Variants in ARHGDIB observed in about 807,000 individuals in gnomAD.
The protein encoded by ARHGDIB is rho GDP-dissociation inhibitor 2.
In ARHGDIB, 20 loss-of-function variants were observed where a neutral mutation model predicts 22.6. That is an observed-to-expected ratio of 0.88 (90% confidence interval 0.62 to 1.28). ARHGDIB has a LOEUF of 1.28. ARHGDIB is among the 50% of genes most tolerant of loss of function. The pLI is 0.00. For missense variants in ARHGDIB, 254 were observed against 245.4 expected, an observed-to-expected ratio of 1.04 and a Z score of -0.23; for synonymous variants, 114 against 96.1, an observed-to-expected ratio of 1.19 and a Z score of -1.09.
chr12:14,949,722 T>G, intron 3 of ARHGDIB, 80 bp downstream of exon 3: 2 of 1,290,396 alleles, frequency 1.5e-6, no homozygotes, highest in Non-Finnish European at 2.3e-6. Flanking sequence ...AGTTTTCTTC[T>G]GTTGGAACAG....
Position 14,944,821 on chromosome 12 carries a change from A to G in ARHGDIB, c.361T>C (p.Ser121Pro), listed in dbSNP as rs1165756944. 1 of 1,613,688 alleles carries G rather than the reference A, an allele frequency of 6.2e-7. No homozygotes were observed. Among genetic ancestry groups the G allele is most frequent in the East Asian group, 2.2e-5 (1 of 44,868 alleles). ...IHFKVNRDIV[S>P]GLKYVQHTYR... ...GTGTGCTGAACGTATTTCAGGCCTG[A>G]CACAATATCCCTGTTCACCTGCAGG... Residue 121 changes from serine (S) to proline (P), a missense_variant, in exon 5 of 6, where the codon TCA (serine) becomes CCA (proline). Transcript: ENST00000228945.
At chr12:14,949,105 T>TC (rs1555103353) in intron 3 of ARHGDIB, among the ~76,000 whole-genome samples, 2 of 152,114 alleles carry the variant, frequency 1.3e-5, no homozygotes, top group Non-Finnish European at 2.9e-5. Context: ...TATTTTTTTT[T>TC]TCCACTAAAA....
chr12:14,955,985 T>C (rs1387479351), intron 1 of ARHGDIB, among the ~76,000 whole-genome samples: 2 of 152,234 alleles, frequency 1.3e-5, no homozygotes, highest in East Asian at 3.8e-4. Flanking sequence ...GTTGGCATCA[T>C]CATTCTCTTT....
Position 14,947,859 on chromosome 12 carries a change from G to C in ARHGDIB, c.342+14C>G. On this transcript the variant is annotated intron_variant, in intron 4 of 5. Coordinates refer to ENST00000228945, the MANE Select transcript of ARHGDIB (RefSeq NM_001175.7). ...ATTTAAACTTTACAAAAACACACAA[G>C]GCAGGATACTTACTTTGAAGTGAAT... is the stretch of plus-strand genomic sequence containing the variant. 1 of 1,578,818 alleles carries C rather than the reference G, an allele frequency of 6.3e-7. No homozygotes were observed. Among genetic ancestry groups the C allele is most frequent in the East Asian group, 2.2e-5 (1 of 44,702 alleles).
At chr12:14,951,527 A>G (rs953364839) in intron 1 of ARHGDIB, among the ~76,000 whole-genome samples, 1 of 152,134 alleles carries the variant, frequency 6.6e-6, no homozygotes, top group Non-Finnish European at 1.5e-5. Flanking sequence ...AATCGTAAGT[A>G]CAAATTTGCC....
intron 4 of ARHGDIB, among the ~76,000 whole-genome samples, chr12:14,946,259 G>A (rs1321212212): frequency 2.0e-5 from 3 of 152,138 alleles, no homozygotes; most frequent in Non-Finnish European, 2.9e-5. Flanking sequence ...TCCTTGGGAG[G>A]CAGAAAAAAA....
intron 2 of ARHGDIB, among the ~76,000 whole-genome samples, chr12:14,950,167 A>C (rs1292119438): frequency 6.6e-6 from 1 of 152,124 alleles, no homozygotes; most frequent in Non-Finnish European, 1.5e-5. Context: ...GGCACTGTCC[A>C]TTTATATCTC....
intron 1 of ARHGDIB, among the ~76,000 whole-genome samples, chr12:14,952,788 T>A (rs985124465): frequency 6.6e-6 from 1 of 152,276 alleles, no homozygotes; most frequent in African/African-American, 2.4e-5. Flanking sequence ...GAGGAAGACA[T>A]CCCAGCCCCC....
chr12:14,960,326 C>T (rs1287484663), intron 1 of ARHGDIB, among the ~76,000 whole-genome samples: 1 of 152,140 alleles, frequency 6.6e-6, no homozygotes, highest in Non-Finnish European at 1.5e-5. Flanking sequence ...CAGGTCATAC[C>T]TAAAGCACTT....
chr12:14,960,169 C>A (rs960696757), intron 1 of ARHGDIB, among the ~76,000 whole-genome samples: 5 of 152,156 alleles, frequency 3.3e-5, no homozygotes, highest in African/African-American at 1.2e-4. Flanking sequence ...CGGGTGAGAG[C>A]AGTCTGCCTT....
At chr12:14,958,642 C>T (rs1342752935) in intron 1 of ARHGDIB, among the ~76,000 whole-genome samples, 1 of 152,154 alleles carries the variant, frequency 6.6e-6, no homozygotes, top group Admixed American at 6.5e-5. Flanking sequence ...TTAAGGAAGC[C>T]ATTGCCTTCA....
chr12:14,950,689 T>A lies in ARHGDIB; in HGVS notation c.24A>T (p.Pro8=), dbSNP rs759999589. 2 of 1,611,974 alleles carry A rather than the reference T, an allele frequency of 1.2e-6. No individual in the cohort carries two copies. The highest frequency in any genetic ancestry group is 1.7e-6 in the Non-Finnish European group (2 of 1,179,260). Residue 8 remains proline (P), a synonymous_variant, in exon 2 of 6, where the codon CCA becomes CCT. Transcript: ENST00000228945. Reference sequence around the variant, plus strand: ...CATCATCGTCATCCTCCTCCACATGTGGCTCTGGGGCTTTTTCAGTCATTC... The same window carrying A: ...CATCATCGTCATCCTCCTCCACATGAGGCTCTGGGGCTTTTTCAGTCATTC... The part of the protein sequence containing the change: MTEKAPE[P]HVEEDDDDEL...
In ARHGDIB at chr12:14,942,258, A is replaced by C. The variant is rs903305691; in HGVS notation, c.*264T>G. ...TTGAATAGGGGTAAGACAGGGAAAT[A>C]TTAAATGATTGTGTACTGAGATGGA... On this transcript the variant is annotated 3_prime_UTR_variant, in exon 6 of 6. Transcript: ENST00000228945. 20 of 472,664 alleles carry C rather than the reference A, an allele frequency of 4.2e-5. No homozygotes were observed. Among genetic ancestry groups the C allele is most frequent in the Middle Eastern group, 5.7e-4 (1 of 1,750 alleles). The allele number at this position is 472,664 out of a possible 1,614,324, so 29.3% of individuals were successfully genotyped here.
At chr12:14,952,170 C>T (rs146539957) in intron 1 of ARHGDIB, among the ~76,000 whole-genome samples, 17 of 151,186 alleles carry the variant, frequency 1.1e-4, no homozygotes, top group South Asian at 6.2e-4. Flanking sequence ...GTGAAGATAT[C>T]TCTGGCCAAA....
At chr12:14,955,150 G>C (rs1471682149) in intron 1 of ARHGDIB, among the ~76,000 whole-genome samples, 3 of 152,120 alleles carry the variant, frequency 2.0e-5, no homozygotes, top group Admixed American at 2.0e-4. Context: ...CTGAACACTT[G>C]TGAGCCAAAA....
At chr12:14,956,743 T>C (rs1238309914) in intron 1 of ARHGDIB, among the ~76,000 whole-genome samples, 2 of 152,252 alleles carry the variant, frequency 1.3e-5, no homozygotes, top group South Asian at 4.1e-4. Context: ...AGATTAACTT[T>C]CACATTGGAG....
At chr12:14,942,877 T>C (rs922916026) in intron 5 of ARHGDIB, among the ~76,000 whole-genome samples, 156 bp from the exon 6 acceptor site, 3 of 152,146 alleles carry the variant, frequency 2.0e-5, no homozygotes, top group Non-Finnish European at 4.4e-5. Context: ...GGCATCTTTT[T>C]TTTTTTTTAA....
At chr12:14,955,378 G>A (rs181957844) in intron 1 of ARHGDIB, among the ~76,000 whole-genome samples, 14 of 152,218 alleles carry the variant, frequency 9.2e-5, no homozygotes, top group African/African-American at 2.9e-4. Flanking sequence ...TGAGACATTC[G>A]CAATGCATGT....
rs573439740 is a variant in ARHGDIB at position 14,949,893 on chromosome 12, A to T, written c.182-8T>A. On this transcript the variant is annotated splice_region_variant and splice_polypyrimidine_tract_variant and intron_variant, in intron 2 of 5. Coordinates refer to ENST00000228945, the MANE Select transcript of ARHGDIB (RefSeq NM_001175.7). ...CATTGGGGGCTTTCGGATCTGCAGG[A>T]TCGAAAGGGAATGTAAGTACCAAGA... The T allele has an allele frequency of 6.0e-4, 962 of 1,612,356 alleles. 12 individuals are homozygous for T. The South Asian group carries it at 0.01, about 17-fold the overall frequency.
Sources: allele counts gnomAD v4.1 joint callset (sites outside exome capture counted in the v4.1 genomes callset), GRCh38; gene constraint gnomAD v4.1.1; transcripts MANE v1.5; gene names NCBI Gene and HGNC (gene_info 2026-07-23, HGNC 2026-07-21).